DLC1: variants seen among roughly 807,000 people sequenced by gnomAD.
The protein encoded by DLC1 is rho GTPase-activating protein 7.
Under a neutral mutation model 140.3 loss-of-function variants are expected in DLC1, and 54 were observed. The observed-to-expected ratio is 0.38, with a 90% confidence interval of 0.31 to 0.48. The LOEUF (loss-of-function observed/expected upper bound fraction) is 0.48. Ranked by LOEUF, DLC1 falls within the 20% of genes least tolerant of loss-of-function variation. The pLI, the probability that DLC1 is intolerant of heterozygous loss-of-function variation, is 0.96. For synonymous variants in DLC1, 986 were observed against 728.1 expected, an observed-to-expected ratio of 1.35 and a Z score of -5.70; for missense variants, 2,536 against 1,907.0, an observed-to-expected ratio of 1.33 and a Z score of -6.14.
At chr8:13,505,273 A>G (rs1802003814) in intron 1 of DLC1, among the ~76,000 whole-genome samples, 2 of 152,158 alleles carry the variant, frequency 1.3e-5, no homozygotes, top group African/African-American at 4.8e-5. Flanking sequence ...GAGTGAGATT[A>G]GGGAGAGCAG....
At chr8:13,223,549 AACTC>A (rs1250043351) in intron 5 of DLC1, among the ~76,000 whole-genome samples, 2 of 152,196 alleles carry the variant, frequency 1.3e-5, no homozygotes, top group African/African-American at 4.8e-5. Flanking sequence ...GAACACATAA[AACTC>A]ACCTTAGTTT....
chr8:13,283,504 G>GTTCTTT (rs1194712523), intron 5 of DLC1, among the ~76,000 whole-genome samples: 1 of 152,130 alleles, frequency 6.6e-6, no homozygotes, highest in Non-Finnish European at 1.5e-5. Context: ...TAACCTGGCA[G>GTTCTTT]TTCTTTTTCT....
intron 1 of DLC1, among the ~76,000 whole-genome samples, chr8:13,578,633 A>G (rs1343649172): frequency 6.6e-6 from 1 of 152,118 alleles, no homozygotes; most frequent in East Asian, 1.9e-4. Context: ...AGGTTCAATT[A>G]ATTTGTTAGA....
chr8:13,131,586 T>TAA (rs1456423685), intron 5 of DLC1, among the ~76,000 whole-genome samples: 4 of 152,006 alleles, frequency 2.6e-5, no homozygotes, highest in East Asian at 1.9e-4. Flanking sequence ...AAGCTTTCTT[T>TAA]AAGTGCAGAT....
At chr8:13,146,045 G>C (rs1177862197) in intron 5 of DLC1, among the ~76,000 whole-genome samples, 2 of 152,134 alleles carry the variant, frequency 1.3e-5, no homozygotes, top group Non-Finnish European at 2.9e-5. Context: ...TTGGGAGGCT[G>C]AGGCGGGTGG....
chr8:13,316,588 G>A (rs1014511259), intron 4 of DLC1, among the ~76,000 whole-genome samples: 6 of 152,212 alleles, frequency 3.9e-5, no homozygotes, highest in Admixed American at 3.9e-4. Context: ...GCCGTAGAAG[G>A]AGACAGAAGG....
intron 5 of DLC1, among the ~76,000 whole-genome samples, chr8:13,214,088 A>G (rs1426837008): frequency 6.6e-6 from 1 of 151,828 alleles, no homozygotes; most frequent in Admixed American, 6.6e-5. Flanking sequence ...CTGGCTGTTT[A>G]TTTGTTTTCT....
intron 5 of DLC1, chr8:13,133,386 G>C: frequency 1.1e-6 from 1 of 914,038 alleles, no homozygotes; most frequent in South Asian, 3.1e-5. Context: ...CCGCTGTCTG[G>C]GTCGCAGGCC....
intron 5 of DLC1, among the ~76,000 whole-genome samples, chr8:13,262,239 G>C (rs560727622): frequency 1.4e-4 from 21 of 152,108 alleles, no homozygotes; most frequent in Middle Eastern, 3.4e-3. Flanking sequence ...CTGAACTTAG[G>C]AGACTTAAAA....
chr8:13,420,626 A>G (rs148654953), intron 2 of DLC1, among the ~76,000 whole-genome samples: 1 of 151,570 alleles, frequency 6.6e-6, no homozygotes, highest in Non-Finnish European at 1.5e-5. Flanking sequence ...TCATTGTTCA[A>G]CTCTCACTTA....
At chr8:13,188,419 C>CAAAAAAAAAAAAAA (rs1178090798) in intron 5 of DLC1, among the ~76,000 whole-genome samples, 28 of 58,996 alleles carry the variant, frequency 4.7e-4, no homozygotes, top group Non-Finnish European at 7.4e-4. Context: ...GACTCCGTCT[C>CAAAAAAAAAAAAAA]AAAAAAAAAA....
chr8:13,521,832 A>G (rs1802776096), intron 1 of DLC1, among the ~76,000 whole-genome samples: 1 of 152,196 alleles, frequency 6.6e-6, no homozygotes, highest in African/African-American at 2.4e-5. Flanking sequence ...CTCAGTACAC[A>G]TACCAAGTGA....
At chr8:13,350,951 AAT>A (rs532968513) in intron 4 of DLC1, among the ~76,000 whole-genome samples, 4,148 of 152,048 alleles carry the variant, frequency 0.027, 154 homozygotes, top group African/African-American at 0.089. Flanking sequence ...TAAACACTCA[AAT>A]CTCTGATGAA....
chr8:13,209,066 T>G (rs79775965), intron 5 of DLC1, among the ~76,000 whole-genome samples: 85 of 152,278 alleles, frequency 5.6e-4, no homozygotes, highest in Non-Finnish European at 1.0e-3. Flanking sequence ...TCTAACTAGA[T>G]TCTTTCTAAA....
chr8:13,467,226 A>G (rs1307579191), intron 2 of DLC1, among the ~76,000 whole-genome samples: 1 of 152,198 alleles, frequency 6.6e-6, no homozygotes, highest in African/African-American at 2.4e-5. Context: ...TTATTCTTAG[A>G]GGGCTTACTT....
At chr8:13,437,357 AT>A (rs1281139092) in intron 2 of DLC1, among the ~76,000 whole-genome samples, 11 of 152,332 alleles carry the variant, frequency 7.2e-5, no homozygotes, top group Admixed American at 6.5e-4. Context: ...GATTTCTTCT[AT>A]TCCTAAGACA....
intron 1 of DLC1, among the ~76,000 whole-genome samples, chr8:13,563,412 G>GA (rs1399365291): frequency 6.6e-6 from 1 of 152,064 alleles, no homozygotes; most frequent in East Asian, 1.9e-4. Flanking sequence ...TTATATCCTA[G>GA]AAAAAATGAT....
chr8:13,180,448 T>G (rs1825968988), intron 5 of DLC1, among the ~76,000 whole-genome samples: 1 of 152,176 alleles, frequency 6.6e-6, no homozygotes, highest in Non-Finnish European at 1.5e-5. Context: ...AGCCAGACAC[T>G]GTGAAAAATC....
intron 5 of DLC1, among the ~76,000 whole-genome samples, chr8:13,235,415 TG>T (rs1447606483): frequency 6.6e-6 from 1 of 152,066 alleles, no homozygotes; most frequent in Admixed American, 6.5e-5. Context: ...TCAAAGCTTA[TG>T]GCCAGAAGAA....
Sources: gnomAD v4.1 joint callset for allele counts (sites outside exome capture counted in the v4.1 genomes callset) on GRCh38, gnomAD v4.1.1 for gene constraint, MANE v1.5 for transcripts, NCBI Gene and HGNC (gene_info 2026-07-23, HGNC 2026-07-21) for gene names.